The following CHST9 variants were observed in gnomAD, a reference collection of about 807,000 sequenced individuals.
CHST9 encodes GalNAc-4-sulfotransferase 2.
A neutral mutation model predicts 44.4 loss-of-function variants in CHST9; 41 were observed. That is an observed-to-expected ratio of 0.92 (90% confidence interval 0.72 to 1.20). CHST9 has a LOEUF of 1.20. CHST9 is among the 50% of genes most tolerant of loss of function. CHST9 has a pLI of 0.00. For missense variants in CHST9, 504 were observed against 516.5 expected, an observed-to-expected ratio of 0.98 and a Z score of 0.23; for synonymous variants, 171 against 178.4, an observed-to-expected ratio of 0.96 and a Z score of 0.33.
intron 4 of CHST9, among the ~76,000 whole-genome samples, chr18:27,001,200 T>C (rs2056949096): frequency 6.6e-6 from 1 of 152,190 alleles, no homozygotes; most frequent in African/African-American, 2.4e-5. Flanking sequence ...TGTGTGTGCA[T>C]ATAAGTAGAT....
At chr18:27,036,761 G>C (rs564412831) in intron 3 of CHST9, among the ~76,000 whole-genome samples, 1 of 152,268 alleles carries the variant, frequency 6.6e-6, no homozygotes, top group African/African-American at 2.4e-5. Context: ...TAGATAGAAA[G>C]AGACTATTTT....
At chr18:26,944,557 C>G (rs994030862) in intron 4 of CHST9, among the ~76,000 whole-genome samples, 191 bp from the exon 5 acceptor site, 2 of 152,036 alleles carry the variant, frequency 1.3e-5, no homozygotes, top group African/African-American at 4.8e-5. Flanking sequence ...CCTAAATAAA[C>G]TGTGTTAGGC....
At chr18:26,983,294 T>C (rs554290426) in intron 4 of CHST9, among the ~76,000 whole-genome samples, 1 of 152,332 alleles carries the variant, frequency 6.6e-6, no homozygotes, top group African/African-American at 2.4e-5. Flanking sequence ...CCAAATCTCA[T>C]GTTAAAATGT....
intron 4 of CHST9, among the ~76,000 whole-genome samples, chr18:26,972,100 C>T (rs2056552965): frequency 6.6e-6 from 1 of 151,926 alleles, no homozygotes; most frequent in Non-Finnish European, 1.5e-5. Context: ...CTCACGTCTG[C>T]AATCCCAGCA....
At chr18:27,153,570 G>GTGTGTGTA (rs1555628628) in intron 1 of CHST9, among the ~76,000 whole-genome samples, 145 of 77,362 alleles carry the variant, frequency 1.9e-3, no homozygotes, top group Middle Eastern at 6.5e-3. Context: ...GTGTGTGTAT[G>GTGTGTGTA]TGTGTGTGTG....
chr18:26,933,447 T>C (rs897266483), intron 5 of CHST9, among the ~76,000 whole-genome samples: 2 of 152,202 alleles, frequency 1.3e-5, no homozygotes, highest in African/African-American at 4.8e-5. Flanking sequence ...CTTTATATTT[T>C]TGCCGAGTAT....
rs1384417311 is a variant in CHST9, at chr18:26,916,588, G to A, written c.1003C>T (p.His335Tyr). 6.2e-7 allele frequency: 1 copy of A among 1,613,788 alleles called. No homozygotes were observed. Among genetic ancestry groups the A allele is most frequent in the Non-Finnish European group, 8.5e-7 (1 of 1,179,770 alleles). Residue 335 changes from histidine (H) to tyrosine (Y), a missense_variant, in exon 6 of 6, where the codon CAC (histidine) becomes TAC (tyrosine). His to Tyr is a moderately conservative substitution (Grantham distance 83, BLOSUM62 2). Coordinates refer to ENST00000618847, the MANE Select transcript of CHST9 (RefSeq NM_031422.6). ...GSGVKFKEFI[H>Y]YLLDSHRPVG... is the part of the protein sequence containing the mutation. ...GGACGGTGGGAATCCAGCAAGTAGTGGATAAACTCTTTGAACTTGACTCCA... is the reference window on the plus strand; with the variant it reads ...GGACGGTGGGAATCCAGCAAGTAGTAGATAAACTCTTTGAACTTGACTCCA...
At position 26,911,932 on chromosome 18, in the gene CHST9, G is replaced by C. The variant is rs2055445424; in HGVS notation, c.*4327C>G. On this transcript the variant is annotated 3_prime_UTR_variant, in exon 6 of 6. Coordinates refer to ENST00000618847, the MANE Select transcript of CHST9 (RefSeq NM_031422.6). ...TCTGCAGTCTTCCCGTGTAGGCTCA[G>C]GGTAATCTGACTACAAACTAGTACT... 1 of 152,114 alleles carries C rather than the reference G, an allele frequency of 6.6e-6. No homozygotes were observed. Among genetic ancestry groups the C allele is most frequent in the African/African-American group, 2.4e-5 (1 of 41,392 alleles). The allele number at this position is 152,114 out of a possible 1,614,324, so 9.4% of individuals were successfully genotyped here.
intron 1 of CHST9, among the ~76,000 whole-genome samples, chr18:27,182,464 AG>A (rs1285446554): frequency 6.6e-6 from 1 of 152,214 alleles, no homozygotes; most frequent in African/African-American, 2.4e-5. Flanking sequence ...AGTGTGAAAA[AG>A]ATCATCACTA....
chr18:27,072,629 C>A (rs951079156), intron 2 of CHST9, among the ~76,000 whole-genome samples: 3 of 152,014 alleles, frequency 2.0e-5, no homozygotes, highest in African/African-American at 7.2e-5. Flanking sequence ...TCACTTGGAC[C>A]CAAACCTGAT....
At chr18:27,170,006 A>T (rs1014185504) in intron 1 of CHST9, among the ~76,000 whole-genome samples, 4 of 152,182 alleles carry the variant, frequency 2.6e-5, no homozygotes, top group African/African-American at 9.7e-5. Context: ...AAACAGGCAA[A>T]ACTAGACAAG....
At chr18:27,017,882 T>G (rs1434301671) in intron 4 of CHST9, among the ~76,000 whole-genome samples, 4 of 152,230 alleles carry the variant, frequency 2.6e-5, no homozygotes, top group Admixed American at 2.6e-4. Flanking sequence ...TCTAGGCATG[T>G]GAAACATTTT....
At chr18:27,096,001 A>G (rs1426137843) in intron 2 of CHST9, among the ~76,000 whole-genome samples, 1 of 152,080 alleles carries the variant, frequency 6.6e-6, no homozygotes, top group East Asian at 1.9e-4. Flanking sequence ...AAATCTGCAC[A>G]TGGAACATAC....
rs1337892118 is a variant in CHST9 at position 27,069,476 on chromosome 18, T to C, written c.122-20973A>G. On this transcript the variant is annotated intron_variant, in intron 2 of 5. Transcript: ENST00000618847. The stretch of plus-strand genomic sequence containing the variant: ...AATGTATGACTGAAAAAAATCAGAA[T>C]GATAGAAAATGTTCCCAAAAAGCCA... 2.0e-5 allele frequency among the ~76,000 whole-genome samples: 3 copies of C among 149,406 alleles called. No individual in the cohort carries two copies. In the East Asian group the frequency reaches 5.8e-4, roughly 29 times the overall value.
chr18:26,973,366 A>G (rs1291682522), intron 4 of CHST9, among the ~76,000 whole-genome samples: 1 of 152,144 alleles, frequency 6.6e-6, no homozygotes, highest in Non-Finnish European at 1.5e-5. Flanking sequence ...AAAATGAATG[A>G]GTCAAGAGTC....
chr18:27,083,085 G>A (rs1467799783), intron 2 of CHST9, among the ~76,000 whole-genome samples: 1 of 152,092 alleles, frequency 6.6e-6, no homozygotes, highest in African/African-American at 2.4e-5. Flanking sequence ...GTAAGGAAAG[G>A]TAATACATTT....
intron 1 of CHST9, among the ~76,000 whole-genome samples, chr18:27,161,016 T>G (rs542207684): frequency 9.2e-5 from 14 of 152,208 alleles, no homozygotes; most frequent in African/African-American, 3.4e-4. Context: ...TCTTTATTAG[T>G]CTTGCTAGCC....
intron 3 of CHST9, among the ~76,000 whole-genome samples, chr18:27,040,913 T>C (rs1286051635): frequency 3.3e-5 from 5 of 152,182 alleles, no homozygotes; most frequent in Non-Finnish European, 5.9e-5. Flanking sequence ...TGAGGATCTC[T>C]GATATTCTAT....
At chr18:27,141,065 A>G (rs2058560185) in intron 2 of CHST9, among the ~76,000 whole-genome samples, 1 of 152,170 alleles carries the variant, frequency 6.6e-6, no homozygotes, top group African/African-American at 2.4e-5. Flanking sequence ...TCAGGAGTTC[A>G]AGACGAGCCT....
Sources: gnomAD v4.1 joint callset for allele counts (sites outside exome capture counted in the v4.1 genomes callset) on GRCh38, gnomAD v4.1.1 for gene constraint, MANE v1.5 for transcripts, NCBI Gene and HGNC (gene_info 2026-07-23, HGNC 2026-07-21) for gene names.